The following FAM227A variants were observed in gnomAD, a reference collection of about 807,000 sequenced individuals.
The protein encoded by FAM227A is protein FAM227A.
FAM227A carries 80 observed loss-of-function variants against 74.7 expected under a neutral mutation model. The ratio of observed to expected loss-of-function variants is 1.07; its 90% CI spans 0.89 to 1.29. The LOEUF (loss-of-function observed/expected upper bound fraction) is 1.29, where lower values mean the gene tolerates loss of function less well. FAM227A is among the 50% of genes most tolerant of loss of function. The pLI, the probability that FAM227A is intolerant of heterozygous loss-of-function variation, is 0.00. For synonymous variants in FAM227A, 237 were observed against 241.8 expected (o/e 0.98, Z 0.19); for missense variants, 654 against 683.4 (o/e 0.96, Z 0.48).
chr22:38,626,865 CAAAAAAAA>C (rs67498232), intron 8 of FAM227A, among the ~76,000 whole-genome samples: 3 of 16,800 alleles, frequency 1.8e-4, no homozygotes, highest in African/African-American at 1.0e-3. Context: ...GACTCTGTCT[CAAAAAAAA>C]AAAAAAAAAA....
Position 38,582,977 on chromosome 22 carries a change from C to A in FAM227A, c.*3148G>T. ...TTAACAAAGAGGAGGGAGGAGAAGG[C>A]ATTTTCAGGTCCAGAAGCAGCAACA... On this transcript the variant is annotated 3_prime_UTR_variant, in exon 17 of 17. Transcript: ENST00000535113. The A allele has an allele frequency of 1.3e-6, 2 of 1,547,976 alleles. No individual in the cohort carries two copies. Among genetic ancestry groups the A allele is most frequent in the South Asian group, 2.4e-5 (2 of 83,968 alleles).
At chr22:38,608,544 C>T (rs946678497) in intron 11 of FAM227A, among the ~76,000 whole-genome samples, 1 of 151,838 alleles carries the variant, frequency 6.6e-6, no homozygotes, top group Non-Finnish European at 1.5e-5. Flanking sequence ...AATTCTCTTA[C>T]CTCAGCCTCC....
chr22:38,606,529 C>T (rs1346547761), intron 12 of FAM227A, among the ~76,000 whole-genome samples: 1 of 152,104 alleles, frequency 6.6e-6, no homozygotes, highest in African/African-American at 2.4e-5. Flanking sequence ...AAGAGTGTGG[C>T]CTGTCCCTTC....
chr22:38,580,726 A>G lies in FAM227A; in HGVS notation c.*5399T>C, dbSNP rs904092852. ...ATAAATGCTTATTCATTTACTTACCAATTTTCAAAATAATGAGGAAGTTTC... is the reference window on the plus strand; with the variant it reads ...ATAAATGCTTATTCATTTACTTACCGATTTTCAAAATAATGAGGAAGTTTC... On this transcript the variant is annotated 3_prime_UTR_variant, in exon 17 of 17. Transcript: ENST00000535113. The G allele has an allele frequency of 1.3e-5, 2 of 152,174 alleles. No individual in the cohort carries two copies. Among genetic ancestry groups the G allele is most frequent in the African/African-American group, 4.8e-5 (2 of 41,438 alleles). The allele number at this position is 152,174 out of a possible 1,614,324, so 9.4% of individuals were successfully genotyped here.
intron 11 of FAM227A, among the ~76,000 whole-genome samples, chr22:38,615,994 G>A (rs1020364229): frequency 9.2e-5 from 14 of 152,258 alleles, no homozygotes; most frequent in Non-Finnish European, 1.8e-4. Flanking sequence ...AGGCCAGGGC[G>A]AAGGTGGGTC....
Position 38,607,246 on chromosome 22 carries a change from ATTAC to A in FAM227A, c.1126+139_1126+142del, listed in dbSNP as rs2091304005. The A allele has an allele frequency of 1.8e-5, 10 of 569,802 alleles. No homozygotes were observed. In the South Asian group the frequency reaches 2.6e-4, roughly 15 times the overall value. The allele number at this position is 569,802 out of a possible 1,614,324, so 35.3% of individuals were successfully genotyped here. A position where few individuals can be genotyped will look rare whatever the true frequency, so the allele number is the denominator to read the frequency against. On this transcript the variant is annotated intron_variant, in intron 12 of 16. Coordinates refer to ENST00000535113, the MANE Select transcript of FAM227A (RefSeq NM_001013647.2). ...AGACAACTACATCCTTTCATAAAAT[ATTAC>A]TTGGTGCCAAGGCCCAGGCTGGAAC...
At chr22:38,649,932 G>T in intron 2 of FAM227A, 95 bp downstream of exon 2, 8 of 1,033,280 alleles carry the variant, frequency 7.7e-6, no homozygotes, top group Non-Finnish European at 1.1e-5. Context: ...AATAAGTAAT[G>T]TGCATTATAG....
chr22:38,621,928 T>C (rs1569215609), intron 10 of FAM227A, among the ~76,000 whole-genome samples: 1 of 151,982 alleles, frequency 6.6e-6, no homozygotes, highest in Non-Finnish European at 1.5e-5. Context: ...TCCCCCCCAC[T>C]GCAGTGCCCA....
intron 13 of FAM227A, among the ~76,000 whole-genome samples, chr22:38,600,686 G>A (rs1269420627): frequency 1.3e-5 from 2 of 151,942 alleles, no homozygotes; most frequent in African/African-American, 2.4e-5. Flanking sequence ...AGCCAGGTGC[G>A]GTAGCTCACA....
At chr22:38,649,954 G>T in intron 2 of FAM227A, 73 bp downstream of exon 2, 1 of 1,378,148 alleles carries the variant, frequency 7.3e-7, no homozygotes, top group Non-Finnish European at 1.0e-6. Context: ...CCTGAGCACT[G>T]ATTAGATCTC....
chr22:38,651,501 C>T (rs1332275904), intron 1 of FAM227A, among the ~76,000 whole-genome samples: 1 of 152,104 alleles, frequency 6.6e-6, no homozygotes, highest in Non-Finnish European at 1.5e-5. Context: ...GCTGCGACTA[C>T]AGGTACCTGC....
In FAM227A at chr22:38,623,357, A is replaced by G; in HGVS notation, c.851-78T>C. On this transcript the variant is annotated intron_variant, in intron 9 of 16. Transcript: ENST00000535113. Reference sequence around the variant, plus strand: ...GTAATCCCAGAACTTTGAGAAGCCAAGGTGGGAGGATTGCTTGAGCCCAGG... The same window carrying G: ...GTAATCCCAGAACTTTGAGAAGCCAGGGTGGGAGGATTGCTTGAGCCCAGG... 4 of 931,472 alleles carry G rather than the reference A, an allele frequency of 4.3e-6. No homozygotes were observed. The South Asian group carries it at 5.9e-5, about 14-fold the overall frequency. 57.7% of individuals were successfully genotyped at this position (931,472 alleles called of 1,614,324 possible).
At position 38,585,532 on chromosome 22, in the gene FAM227A, A is replaced by G. The variant is rs1387205593; in HGVS notation, c.*593T>C. ...GGCAGCATAATAGAAGCGCCTATCA[A>G]ATTATCAAATTAATAGTTCCACAAA... On this transcript the variant is annotated 3_prime_UTR_variant, in exon 17 of 17. Coordinates refer to ENST00000535113, the MANE Select transcript of FAM227A (RefSeq NM_001013647.2). 6.5e-6 allele frequency: 1 copy of G among 152,676 alleles called. No homozygotes were observed. Among genetic ancestry groups the G allele is most frequent in the East Asian group, 1.9e-4 (1 of 5,212 alleles). 9.5% of individuals were successfully genotyped at this position (152,676 alleles called of 1,614,324 possible). A position where few individuals can be genotyped will look rare whatever the true frequency, so the allele number is the denominator to read the frequency against.
At chr22:38,592,140 G>C (rs973184489) in intron 15 of FAM227A, among the ~76,000 whole-genome samples, 1 of 151,842 alleles carries the variant, frequency 6.6e-6, no homozygotes, top group Non-Finnish European at 1.5e-5. Flanking sequence ...AGTAGAGACG[G>C]GTTTCACAGT....
intron 11 of FAM227A, among the ~76,000 whole-genome samples, chr22:38,613,432 T>A (rs1477822841): frequency 4.3e-5 from 3 of 69,822 alleles, no homozygotes; most frequent in Admixed American, 1.5e-4. Context: ...AATTTGTTTG[T>A]TTTCCCCCCT....
intron 1 of FAM227A, among the ~76,000 whole-genome samples, chr22:38,653,624 C>T (rs2092351430): frequency 6.6e-6 from 1 of 152,120 alleles, no homozygotes; most frequent in African/African-American, 2.4e-5. Flanking sequence ...ATCTGCCTGT[C>T]TCAGCCTCCC....
intron 3 of FAM227A, among the ~76,000 whole-genome samples, chr22:38,641,964 TGTGTGTGTGTGCGCAC>T (rs1029428060): frequency 3.2e-4 from 47 of 144,888 alleles, no homozygotes; most frequent in African/African-American, 9.2e-4. Context: ...TGTGTGTGTG[TGTGTGTGTGTGCGCAC>T]GTGTGTGTGC....
At chr22:38,654,844 A>G (rs1329790946) in intron 1 of FAM227A, among the ~76,000 whole-genome samples, 1 of 150,356 alleles carries the variant, frequency 6.7e-6, no homozygotes, top group African/African-American at 2.4e-5. Context: ...GCTATTCGAG[A>G]GGCTGAGGCA....
At chr22:38,646,248 C>G (rs1215594921) in intron 2 of FAM227A, among the ~76,000 whole-genome samples, 2 of 82,394 alleles carry the variant, frequency 2.4e-5, no homozygotes, top group Non-Finnish European at 4.5e-5. Flanking sequence ...TCCAGTATTT[C>G]TTTTTTTTTT....
Sources: allele counts gnomAD v4.1 joint callset (sites outside exome capture counted in the v4.1 genomes callset), GRCh38; gene constraint gnomAD v4.1.1; transcripts MANE v1.5; gene names NCBI Gene and HGNC (gene_info 2026-07-23, HGNC 2026-07-21).